SLC29A3: variants seen among roughly 807,000 people sequenced by gnomAD.
SLC29A3 encodes solute carrier family 29 member 3, also known as equilibrative nucleoside transporter 3.
SLC29A3 carries 18 observed loss-of-function variants against 25.4 expected under a neutral mutation model. The ratio of observed to expected loss-of-function variants is 0.71; its 90% CI spans 0.49 to 1.05. SLC29A3 has a LOEUF of 1.05. Ranked by LOEUF, SLC29A3 falls within the 50% of genes least tolerant of loss-of-function variation. The pLI, the probability that SLC29A3 is intolerant of heterozygous loss-of-function variation, is 0.00. For synonymous variants in SLC29A3, 258 were observed against 267.1 expected, an observed-to-expected ratio of 0.97 and a Z score of 0.33; for missense variants, 586 against 609.0, an observed-to-expected ratio of 0.96 and a Z score of 0.40.
At chr10:71,319,521 C>G in intron 1 of SLC29A3, 1 of 420,256 alleles carries the variant, frequency 2.4e-6, no homozygotes, top group Non-Finnish European at 4.2e-6. Flanking sequence ...CTTCTCTTCC[C>G]CAAATCCTCT....
Position 71,323,017 on chromosome 10 carries a change from C to T in SLC29A3, c.263C>T (p.Pro88Leu). ...TTCAAACTCCGCAACTCCTCCAGCC[C>T]AGCCACCGGGGAGGACCCTGAGGGC... ...WMFKLRNSSS[P>L]ATGEDPEGSD... Residue 88 changes from proline (P) to leucine (L), a missense_variant, in exon 2 of 6, where the codon CCA (proline) becomes CTA (leucine). By Grantham distance (98) the Pro-to-Leu change is moderately conservative (BLOSUM62 -3). Transcript: ENST00000373189. 1 of 1,613,898 alleles carries T rather than the reference C, an allele frequency of 6.2e-7. No individual in the cohort carries two copies. Among genetic ancestry groups the T allele is most frequent in the African/African-American group, 1.3e-5 (1 of 75,078 alleles).
chr10:71,319,403 C>T (rs1332476478), intron 1 of SLC29A3, 93 bp downstream of exon 1: 2 of 540,740 alleles, frequency 3.7e-6, no homozygotes, highest in Admixed American at 3.7e-5. Flanking sequence ...CTGGGGGCGG[C>T]TGCGGGCTGC....
intron 2 of SLC29A3, among the ~76,000 whole-genome samples, chr10:71,337,203 C>T (rs1564530663): frequency 6.6e-6 from 1 of 152,202 alleles, no homozygotes; most frequent in Non-Finnish European, 1.5e-5. Context: ...GGCCACACAC[C>T]CATTATCTTT....
At chr10:71,335,000 C>T (rs937850322) in intron 2 of SLC29A3, among the ~76,000 whole-genome samples, 3 of 148,890 alleles carry the variant, frequency 2.0e-5, no homozygotes, top group East Asian at 2.0e-4. Context: ...CACTGGCATT[C>T]CCAGCCCCTA....
chr10:71,370,329 A>G (rs1348248037), intron 3 of SLC29A3, among the ~76,000 whole-genome samples: 1 of 152,098 alleles, frequency 6.6e-6, no homozygotes, highest in Non-Finnish European at 1.5e-5. Context: ...TCCCAACTTA[A>G]AACATATGCC....
At chr10:71,319,383 C>A in intron 1 of SLC29A3, 73 bp downstream of exon 1, 1 of 588,482 alleles carries the variant, frequency 1.7e-6, no homozygotes, top group South Asian at 1.9e-5. Flanking sequence ...AGCGACCTCC[C>A]TCCCGGGCCC....
chr10:71,326,321 G>T (rs1845964439), intron 2 of SLC29A3, among the ~76,000 whole-genome samples: 1 of 152,328 alleles, frequency 6.6e-6, no homozygotes, highest in East Asian at 1.9e-4. Context: ...AAGCACTTAG[G>T]ACAGGGCCTG....
At chr10:71,367,634 G>T (rs1350055637), downstream of SLC29A3, among the ~76,000 whole-genome samples, 1 of 152,212 alleles carries the variant, frequency 6.6e-6, no homozygotes, top group Non-Finnish European at 1.5e-5. Context: ...CTCAGCCTGA[G>T]ATGGCGAACT....
At chr10:71,338,735 C>T (rs752438457) in intron 2 of SLC29A3, among the ~76,000 whole-genome samples, 11 of 151,960 alleles carry the variant, frequency 7.2e-5, no homozygotes, top group East Asian at 1.9e-4. Context: ...CCAGCCTGAG[C>T]GACAGAGCGA....
chr10:71,348,067 G>A (rs894052321), intron 3 of SLC29A3, among the ~76,000 whole-genome samples: 4 of 152,240 alleles, frequency 2.6e-5, no homozygotes, highest in Admixed American at 2.6e-4. Flanking sequence ...CAGGGATCAA[G>A]AAGCAGACAG....
chr10:71,372,571 C>G (rs951516561), intron 3 of SLC29A3, among the ~76,000 whole-genome samples: 2 of 152,136 alleles, frequency 1.3e-5, no homozygotes, highest in Non-Finnish European at 2.9e-5. Context: ...GAGAACCCCA[C>G]GAGGAGAACC....
intron 3 of SLC29A3, among the ~76,000 whole-genome samples, chr10:71,368,637 T>C (rs1847187725): frequency 6.6e-6 from 1 of 152,106 alleles, no homozygotes; most frequent in Non-Finnish European, 1.5e-5. Flanking sequence ...TTTCTATGCC[T>C]CAGCTGGAAA....
At chr10:71,378,097 G>A (rs1461843052) in intron 4 of SLC29A3, among the ~76,000 whole-genome samples, 3 of 39,312 alleles carry the variant, frequency 7.6e-5, no homozygotes, top group Admixed American at 2.8e-4. Flanking sequence ...GACAATGTTG[G>A]GGGGGGGGGT....
Position 71,356,150 on chromosome 10 carries a change from G to A in SLC29A3, c.680G>A (p.Arg227Lys), listed in dbSNP as rs794727732. ...GACTTGGCTGCATCCAGTGATGTGA[G>A]GAACAGCGCCCTGGCCTTCTTCCTG... ...LVDLAASSDV[R>K]NSALAFFLTA... is the part of the protein sequence containing the mutation. Residue 227 changes from arginine (R) to lysine (K), a missense_variant, in exon 5 of 6, where the codon AGG becomes AAG. By Grantham distance (26) the Arg-to-Lys change is conservative. Coordinates refer to ENST00000373189, the MANE Select transcript of SLC29A3 (RefSeq NM_018344.6). The A allele has an allele frequency of 1.3e-5, 21 of 1,614,064 alleles. No individual in the cohort carries two copies. The highest frequency in any genetic ancestry group is 1.8e-5 in the Non-Finnish European group (21 of 1,180,046).
rs191906069 is a variant in SLC29A3 at position 71,360,424 on chromosome 10, T to A, written c.774-1530T>A. On this transcript the variant is annotated intron_variant, in intron 5 of 5. Coordinates refer to ENST00000373189, the MANE Select transcript of SLC29A3 (RefSeq NM_018344.6). ...TCCCAAAGTGCTGGGATTACAAGGATGACAAGAACCTGTCTTCTACCGAAG... is the reference window on the plus strand; with the variant it reads ...TCCCAAAGTGCTGGGATTACAAGGAAGACAAGAACCTGTCTTCTACCGAAG... Among the ~76,000 whole-genome samples the A allele has an allele frequency of 3.9e-5, 6 of 152,298 alleles. No individual in the cohort carries two copies. The East Asian group carries it at 1.2e-3, about 29-fold the overall frequency.
chr10:71,356,352 T>G, intron 5 of SLC29A3, 109 bp downstream of exon 5: 16 of 1,366,260 alleles, frequency 1.2e-5, no homozygotes, highest in Non-Finnish European at 1.5e-5. Flanking sequence ...GTGCTATGGC[T>G]CAAAGCAGTT....
At chr10:71,368,852 T>G (rs116333359) in intron 3 of SLC29A3, among the ~76,000 whole-genome samples, 3,751 of 152,244 alleles carry the variant, frequency 0.025, 86 homozygotes, top group African/African-American at 0.05. Context: ...ATCTGAACAC[T>G]AGGGGCGATT....
At chr10:71,332,497 C>T (rs1467530640) in intron 2 of SLC29A3, among the ~76,000 whole-genome samples, 2 of 152,128 alleles carry the variant, frequency 1.3e-5, no homozygotes, top group African/African-American at 4.8e-5. Context: ...GAGAAGGGCA[C>T]AACACCCCTC....
intron 5 of SLC29A3, among the ~76,000 whole-genome samples, chr10:71,357,447 C>T (rs1264667146): frequency 6.6e-6 from 1 of 152,060 alleles, no homozygotes; most frequent in African/African-American, 2.4e-5. Context: ...GACAGAGTCT[C>T]ACTATGTTGC....
Sources: gnomAD v4.1 joint callset for allele counts (sites outside exome capture counted in the v4.1 genomes callset) on GRCh38, gnomAD v4.1.1 for gene constraint, MANE v1.5 for transcripts, NCBI Gene and HGNC (gene_info 2026-07-23, HGNC 2026-07-21) for gene names.